ZFYVE1: variants seen among roughly 807,000 people sequenced by gnomAD.
The protein encoded by ZFYVE1 is zinc finger FYVE-type containing 1.
ZFYVE1 carries 30 observed loss-of-function variants against 74.4 expected under a neutral mutation model. The ratio of observed to expected loss-of-function variants is 0.40; its 90% CI spans 0.30 to 0.55. The LOEUF (loss-of-function observed/expected upper bound fraction) is 0.55, where lower values mean the gene tolerates loss of function less well. Among genes scored for constraint, ZFYVE1 ranks in the 20% least tolerant of loss-of-function variants. ZFYVE1 has a pLI of 0.42. For missense variants in ZFYVE1, 703 were observed against 1,011.6 expected (o/e 0.69, Z 4.14); for synonymous variants, 335 against 385.1 (o/e 0.87, Z 1.52).
intron 3 of ZFYVE1, among the ~76,000 whole-genome samples, chr14:72,994,091 G>A (rs1298683487): frequency 6.6e-6 from 1 of 151,234 alleles, no homozygotes; most frequent in Non-Finnish European, 1.5e-5. Context: ...GGGAAGCTGA[G>A]GTGGGTGGAT....
At chr14:72,985,709 C>T (rs544886581) in intron 4 of ZFYVE1, among the ~76,000 whole-genome samples, 35 of 148,816 alleles carry the variant, frequency 2.4e-4, no homozygotes, top group Admixed American at 6.0e-4. Flanking sequence ...GAAGCCACTA[C>T]AGAAGGTATA....
chr14:73,022,742 C>G (rs184457430), intron 2 of ZFYVE1, among the ~76,000 whole-genome samples: 1 of 152,130 alleles, frequency 6.6e-6, no homozygotes, highest in South Asian at 2.1e-4. Context: ...CATTATACTA[C>G]CCCTTCCCCA....
chr14:73,004,037 G>A (rs113413079), intron 2 of ZFYVE1, among the ~76,000 whole-genome samples: 1 of 152,178 alleles, frequency 6.6e-6, no homozygotes, highest in African/African-American at 2.4e-5. Context: ...TGAACACACA[G>A]CAGCATTTCA....
intron 4 of ZFYVE1, among the ~76,000 whole-genome samples, chr14:72,987,814 A>G (rs1440327816): frequency 1.3e-5 from 2 of 152,198 alleles, no homozygotes; most frequent in Non-Finnish European, 2.9e-5. Context: ...AAAGGAGTCA[A>G]GAAATGGGAC....
chr14:73,018,144 C>T (rs561822446), intron 2 of ZFYVE1, among the ~76,000 whole-genome samples: 1 of 152,286 alleles, frequency 6.6e-6, no homozygotes, highest in South Asian at 2.1e-4. Flanking sequence ...AAAATCACCT[C>T]TGCAAGCTGG....
At chr14:73,023,129 C>G (rs1894352008) in intron 2 of ZFYVE1, among the ~76,000 whole-genome samples, 1 of 145,914 alleles carries the variant, frequency 6.9e-6, no homozygotes, top group African/African-American at 2.6e-5. Flanking sequence ...CCACTGCACT[C>G]CAGCCTGGGT....
chr14:72,991,433 C>A (rs1170113124), intron 4 of ZFYVE1, among the ~76,000 whole-genome samples: 4 of 152,120 alleles, frequency 2.6e-5, no homozygotes, highest in African/African-American at 7.2e-5. Context: ...TCGTGATCCG[C>A]CCGCCTCGGC....
At chr14:72,989,935 T>TA (rs200795282) in intron 4 of ZFYVE1, among the ~76,000 whole-genome samples, 6 of 151,586 alleles carry the variant, frequency 4.0e-5, no homozygotes, top group African/African-American at 1.2e-4. Context: ...AGGCTACTAA[T>TA]AAAAAAAAAT....
intron 11 of ZFYVE1, 41 bp downstream of exon 11, chr14:72,974,039 C>T (rs772203698): frequency 4.4e-6 from 7 of 1,593,230 alleles, no homozygotes; most frequent in Non-Finnish European, 6.0e-6. Context: ...AACCCCTCAA[C>T]CCGCATCCAC....
intron 2 of ZFYVE1, among the ~76,000 whole-genome samples, chr14:73,022,435 A>C (rs1478545337): frequency 6.6e-6 from 1 of 152,194 alleles, no homozygotes; most frequent in Non-Finnish European, 1.5e-5. Flanking sequence ...CACCACCATC[A>C]AAAGTACTGA....
At chr14:72,994,066 T>C (rs1893687378) in intron 3 of ZFYVE1, among the ~76,000 whole-genome samples, 1 of 148,234 alleles carries the variant, frequency 6.7e-6, no homozygotes, top group Non-Finnish European at 1.5e-5. Flanking sequence ...TTCACACCTG[T>C]AATCCCAGCA....
intron 2 of ZFYVE1, among the ~76,000 whole-genome samples, chr14:73,018,092 G>A (rs537834743): frequency 6.6e-6 from 1 of 152,076 alleles, no homozygotes; most frequent in Non-Finnish European, 1.5e-5. Context: ...CTATCTGGAG[G>A]CCTACATAGC....
At chr14:73,025,747 T>C (rs1894446833) in intron 1 of ZFYVE1, among the ~76,000 whole-genome samples, 1 of 151,628 alleles carries the variant, frequency 6.6e-6, no homozygotes, top group African/African-American at 2.4e-5. Flanking sequence ...CTCCTCCTCT[T>C]GACAACAAAC....
intron 2 of ZFYVE1, among the ~76,000 whole-genome samples, chr14:73,005,712 G>A (rs915676685): frequency 6.6e-6 from 1 of 152,140 alleles, no homozygotes; most frequent in Admixed American, 6.6e-5. Flanking sequence ...ACAGTGCCTG[G>A]CATGGAGTAA....
chr14:72,979,374 C>T (rs1338404598), intron 5 of ZFYVE1: 2 of 196,608 alleles, frequency 1.0e-5, no homozygotes, highest in Admixed American at 5.2e-5. Context: ...GTGGCGGGCA[C>T]CCATAGTCCC....
intron 3 of ZFYVE1, among the ~76,000 whole-genome samples, chr14:72,996,869 T>C (rs932892275): frequency 6.6e-6 from 1 of 152,166 alleles, no homozygotes; most frequent in African/African-American, 2.4e-5. Context: ...TCAATAAACT[T>C]TGATGACCGA....
In ZFYVE1 at chr14:72,997,955, C is replaced by T; in HGVS notation, c.844G>A (p.Asp282Asn). ...TGCTTCAGATAAGCTTCTGAGGCAT[C>T]CCCAAGGAATTTGAAGAGGTCGTTA... The part of the protein sequence containing the change: ...LHNDLFKFLG[D>N]ASEAYLKHFT... The change falls in exon 3 of 12, where the codon GAT becomes AAT. Residue 282 changes from aspartate to asparagine, a missense_variant. Physicochemically the swap from Asp to Asn is conservative, Grantham distance 23. Coordinates refer to ENST00000556143, the MANE Select transcript of ZFYVE1 (RefSeq NM_021260.4). 6.2e-7 allele frequency: 1 copy of T among 1,614,070 alleles called. No individual in the cohort carries two copies. The highest frequency in any genetic ancestry group is 8.5e-7 in the Non-Finnish European group (1 of 1,180,012).
chr14:72,986,089 G>A lies in ZFYVE1; in HGVS notation c.1204-4194C>T, dbSNP rs760457110. Among the ~76,000 whole-genome samples the A allele has an allele frequency of 7.9e-5, 12 of 152,204 alleles. 1 individual carries two copies. In the South Asian group the frequency reaches 2.1e-3, roughly 26 times the overall value. ...ATGGGAAATTAGGATCCAATACAGC[G>A]TAAGGTTCTTACTGTTTCAACCCAA... On this transcript the variant is annotated intron_variant, in intron 4 of 11. Coordinates refer to ENST00000556143, the MANE Select transcript of ZFYVE1 (RefSeq NM_021260.4).
chr14:73,024,166 TC>T lies in ZFYVE1; in HGVS notation c.342del (p.Arg115AspfsTer30), dbSNP rs1274957154. ...QKRTHSGGNK[R>X]RHPVTVYNVS... ...ACATTGTACACAGTAACAGGGTGTC[TC>T]CTTTTGTTACCCCCAGAATGAGTCC... On this transcript the variant is annotated frameshift_variant, in exon 2 of 12. Transcript: ENST00000556143. LOFTEE classifies it high-confidence loss of function. The T allele has an allele frequency of 6.2e-7, 1 of 1,614,056 alleles. No homozygotes were observed. Among genetic ancestry groups the T allele is most frequent in the African/African-American group, 1.3e-5 (1 of 74,918 alleles).
Sources: gnomAD v4.1 joint callset for allele counts (sites outside exome capture counted in the v4.1 genomes callset) on GRCh38, gnomAD v4.1.1 for gene constraint, MANE v1.5 for transcripts, NCBI Gene and HGNC (gene_info 2026-07-23, HGNC 2026-07-21) for gene names.